RAD50: variants seen among roughly 807,000 people sequenced by gnomAD.
RAD50 encodes DNA repair protein RAD50.
Under a neutral mutation model 168.8 loss-of-function variants are expected in RAD50, and 132 were observed. That is an observed-to-expected ratio of 0.78 (90% CI 0.68 to 0.90). The LOEUF is 0.90. Among genes scored for constraint, RAD50 ranks in the 40% least tolerant of loss-of-function variants. The probability of loss-of-function intolerance (pLI) is 0.00; values close to 1 mark genes in which losing one functional copy is unlikely to be tolerated. For missense variants in RAD50, 1,347 were observed against 1,534.4 expected, an observed-to-expected ratio of 0.88 and a Z score of 2.04; for synonymous variants, 525 against 497.4, an observed-to-expected ratio of 1.06 and a Z score of -0.74.
chr5:132,588,158 A>C, intron 7 of RAD50, 69 bp downstream of exon 7: 1 of 1,517,296 alleles, frequency 6.6e-7, no homozygotes, highest in Non-Finnish European at 9.1e-7. Context: ...TGAATGAAGA[A>C]TCTCCAAGGA....
chr5:132,588,580 T>C (rs1317577034), intron 7 of RAD50, 107 bp from the exon 8 acceptor site: 11 of 1,163,470 alleles, frequency 9.5e-6, no homozygotes, highest in Admixed American at 2.6e-5. Context: ...CTGGGCAAAA[T>C]GTACAAGAGA....
Position 132,643,760 on chromosome 5 carries a change from T to G in RAD50, c.*1396T>G, listed in dbSNP as rs1751792583. The G allele has an allele frequency of 8.7e-6, 2 of 228,600 alleles. No individual in the cohort carries two copies. Among genetic ancestry groups the G allele is most frequent in the Non-Finnish European group, 1.7e-5 (2 of 115,358 alleles). The allele number at this position is 228,600 out of a possible 1,614,324, so 14.2% of individuals were successfully genotyped here. The stretch of plus-strand genomic sequence containing the variant: ...TCCTAAATGTAATCACGAGTAAGAT[T>G]AAGAGCAAATCAATTCTAGTCATAT... On this transcript the variant is annotated 3_prime_UTR_variant, in exon 25 of 25. Coordinates refer to ENST00000378823, the MANE Select transcript of RAD50 (RefSeq NM_005732.4).
chr5:132,594,045 G>C (rs1170651015), intron 11 of RAD50, among the ~76,000 whole-genome samples: 3 of 152,150 alleles, frequency 2.0e-5, no homozygotes, highest in Non-Finnish European at 4.4e-5. Flanking sequence ...GATGAGAAGT[G>C]CTCAAGGGAG....
chr5:132,631,768 T>C (rs1251362206), intron 21 of RAD50, among the ~76,000 whole-genome samples: 1 of 152,154 alleles, frequency 6.6e-6, no homozygotes, highest in Non-Finnish European at 1.5e-5. Flanking sequence ...TGCAGTGCTA[T>C]GATCACAGCT....
intron 21 of RAD50, among the ~76,000 whole-genome samples, 170 bp from the exon 22 acceptor site, chr5:132,636,945 T>C (rs1751591988): frequency 6.6e-6 from 1 of 152,056 alleles, no homozygotes; most frequent in Non-Finnish European, 1.5e-5. Context: ...AAAGTTTTGC[T>C]GCTGTTTATT....
intron 5 of RAD50, among the ~76,000 whole-genome samples, chr5:132,584,543 C>G (rs1750560998): frequency 6.6e-6 from 1 of 152,082 alleles, no homozygotes; most frequent in Non-Finnish European, 1.5e-5. Flanking sequence ...GTGGCGATTC[C>G]TCAAGGATCT....
intron 5 of RAD50, among the ~76,000 whole-genome samples, chr5:132,581,735 A>G (rs569842677): frequency 2.6e-5 from 4 of 152,350 alleles, no homozygotes; most frequent in Non-Finnish European, 4.4e-5. Context: ...CAGATTATAG[A>G]AAGCTAATGG....
At chr5:132,611,236 GA>G (rs1751079679) in intron 19 of RAD50, among the ~76,000 whole-genome samples, 1 of 151,678 alleles carries the variant, frequency 6.6e-6, no homozygotes, top group South Asian at 2.1e-4. Context: ...ACTGAAAATA[GA>G]AAAATTAGCC....
At chr5:132,631,081 T>C (rs1312983105) in intron 21 of RAD50, among the ~76,000 whole-genome samples, 1 of 152,038 alleles carries the variant, frequency 6.6e-6, no homozygotes, top group African/African-American at 2.4e-5. Flanking sequence ...TAAAGTAATT[T>C]ATAAATCATT....
Position 132,591,858 on chromosome 5 carries a change from A to AT in RAD50, c.1636-9dup, listed in dbSNP as rs762814289. The stretch of plus-strand genomic sequence containing the variant: ...GAGATATAGACTTTATTTTTAAAAG[A>AT]TTTTTTTTTTACCTATAGGCTGACA... On this transcript the variant is annotated intron_variant, in intron 10 of 24. Transcript: ENST00000378823. 2,976 of 1,437,488 alleles carry AT rather than the reference A, an allele frequency of 2.1e-3. 9 individuals are homozygous for AT. The highest frequency in any genetic ancestry group is 0.019 in the African/African-American group (1,318 of 70,130). 89.0% of individuals were successfully genotyped at this position (1,437,488 alleles called of 1,614,324 possible). A position where few individuals can be genotyped will look rare whatever the true frequency, so the allele number is the denominator to read the frequency against.
In RAD50 at chr5:132,557,276, A is replaced by C; in HGVS notation, c.-49A>C. ...GCACGCCTTGCTTCGGCCTCAGTTA[A>C]GCCTTTGTGGGCTCCAGGTCCCTGG... On this transcript the variant is annotated 5_prime_UTR_variant, in exon 1 of 25. Coordinates refer to ENST00000378823, the MANE Select transcript of RAD50 (RefSeq NM_005732.4). 1 of 1,606,236 alleles carries C rather than the reference A, an allele frequency of 6.2e-7. No individual in the cohort carries two copies. The highest frequency in any genetic ancestry group is 8.5e-7 in the Non-Finnish European group (1 of 1,172,756).
chr5:132,564,231 A>G (rs1287853589), intron 2 of RAD50, among the ~76,000 whole-genome samples: 1 of 152,216 alleles, frequency 6.6e-6, no homozygotes, highest in Non-Finnish European at 1.5e-5. Context: ...AGATGAGGAA[A>G]AGTTTGGAAC....
chr5:132,631,419 C>T (rs958332843), intron 21 of RAD50, among the ~76,000 whole-genome samples: 3 of 152,140 alleles, frequency 2.0e-5, no homozygotes, highest in Non-Finnish European at 1.5e-5. Flanking sequence ...CTCACCTGGC[C>T]TCTCACTTTA....
intron 5 of RAD50, among the ~76,000 whole-genome samples, chr5:132,582,060 AC>A (rs1369885162): frequency 2.6e-4 from 40 of 152,160 alleles, no homozygotes; most frequent in African/African-American, 8.9e-4. Context: ...TTTGGCCATG[AC>A]TTTTTTGATC....
In RAD50 at chr5:132,588,721, A is replaced by G. The variant is rs2149841058; in HGVS notation, c.1086A>G (p.Glu362=). 1 of 1,613,992 alleles carries G rather than the reference A, an allele frequency of 6.2e-7. No homozygotes were observed. Residue 362 remains glutamate, a synonymous_variant, in exon 8 of 25, where the codon GAA becomes GAG. Transcript: ENST00000378823. ...RLQLQADRHQ[E]HIRARDSLIQ... ...AGCTGCAAGCAGATCGCCATCAAGA[A>G]CATATCCGAGCTAGAGATTCATTAA...
At chr5:132,565,805 T>G (rs2299015) in intron 2 of RAD50, among the ~76,000 whole-genome samples, 29,374 of 152,116 alleles carry the variant, frequency 0.19, 2,958 homozygotes, top group South Asian at 0.23. Flanking sequence ...GACACTCTGC[T>G]TCTGAGCTGG....
chr5:132,596,065 T>C (rs1750787309), intron 13 of RAD50, among the ~76,000 whole-genome samples: 1 of 152,136 alleles, frequency 6.6e-6, no homozygotes. Flanking sequence ...TGGCATGATC[T>C]TGGCTCATTG....
chr5:132,577,048 A>G (rs1375789689), intron 3 of RAD50, among the ~76,000 whole-genome samples: 1 of 152,216 alleles, frequency 6.6e-6, no homozygotes, highest in Non-Finnish European at 1.5e-5. Context: ...ATTATCTTAC[A>G]CTTATGTAGT....
chr5:132,566,077 C>G (rs1750203813), intron 2 of RAD50, among the ~76,000 whole-genome samples: 1 of 151,982 alleles, frequency 6.6e-6, no homozygotes. Context: ...TTATTTTATT[C>G]TTTTTGATAG....
Sources: allele counts gnomAD v4.1 joint callset (sites outside exome capture counted in the v4.1 genomes callset), GRCh38; gene constraint gnomAD v4.1.1; transcripts MANE v1.5; gene names NCBI Gene and HGNC (gene_info 2026-07-23, HGNC 2026-07-21).